The following BTAF1 variants were observed in gnomAD, a reference collection of about 807,000 sequenced individuals.
The protein encoded by BTAF1 is TATA-binding protein-associated factor 172.
BTAF1 carries 38 observed loss-of-function variants against 227.1 expected under a neutral mutation model. The observed-to-expected ratio is 0.17, with a 90% confidence interval of 0.13 to 0.22. The LOEUF is 0.22. Ranked by LOEUF, BTAF1 falls within the 10% of genes least tolerant of loss-of-function variation. The pLI is 1.00. For missense variants in BTAF1, 1,598 were observed against 2,204.0 expected (o/e 0.73, Z 5.51); for synonymous variants, 742 against 751.9 (o/e 0.99, Z 0.21).
At chr10:91,953,171 G>A (rs1256887182) in intron 5 of BTAF1, among the ~76,000 whole-genome samples, 1 of 152,128 alleles carries the variant, frequency 6.6e-6, no homozygotes, top group Admixed American at 6.6e-5. Context: ...TTTTGGTTAG[G>A]CACAGAAGGG....
Position 91,959,773 on chromosome 10 carries a change from A to C in BTAF1, c.991-12A>C. The C allele has an allele frequency of 9.1e-7, 1 of 1,093,532 alleles. No homozygotes were observed. The highest frequency in any genetic ancestry group is 1.3e-6 in the Non-Finnish European group (1 of 777,966). The allele number at this position is 1,093,532 out of a possible 1,614,324, so 67.7% of individuals were successfully genotyped here. A position where few individuals can be genotyped will look rare whatever the true frequency, so the allele number is the denominator to read the frequency against. ...ATATATATATATATATATATATATT[A>C]TATTTTAACAGATGATTCAGCAGCA... On this transcript the variant is annotated splice_polypyrimidine_tract_variant and intron_variant, in intron 9 of 37. Transcript: ENST00000265990.
At chr10:91,940,371 T>C (rs2133812472) in intron 3 of BTAF1, among the ~76,000 whole-genome samples, 1 of 152,242 alleles carries the variant, frequency 6.6e-6, no homozygotes, top group East Asian at 1.9e-4. Context: ...ATCAGTACAG[T>C]GTAAATATTT....
intron 19 of BTAF1, among the ~76,000 whole-genome samples, chr10:91,988,597 G>A (rs939832249): frequency 1.3e-5 from 2 of 152,136 alleles, no homozygotes; most frequent in Non-Finnish European, 2.9e-5. Flanking sequence ...ATTTTGTTCT[G>A]TTCTGTTTTG....
At chr10:92,011,445 AT>A in intron 30 of BTAF1, 30 bp downstream of exon 30, 1 of 1,036,786 alleles carries the variant, frequency 9.6e-7, no homozygotes, top group East Asian at 3.6e-5. Context: ...TTTTTTAATT[AT>A]TTTTATTTTT....
At chr10:91,937,340 G>A (rs181203882) in intron 2 of BTAF1, among the ~76,000 whole-genome samples, 4 of 152,152 alleles carry the variant, frequency 2.6e-5, no homozygotes, top group Non-Finnish European at 1.5e-5. Flanking sequence ...TACATACCAT[G>A]AGTTTCAATT....
intron 14 of BTAF1, among the ~76,000 whole-genome samples, chr10:91,979,392 A>T (rs1335521318): frequency 6.6e-6 from 1 of 152,124 alleles, no homozygotes; most frequent in African/African-American, 2.4e-5. Context: ...TTGAGGAGTC[A>T]TGTGGCCCTT....
At chr10:91,981,205 A>G (rs146225689) in intron 15 of BTAF1, among the ~76,000 whole-genome samples, 66 of 152,308 alleles carry the variant, frequency 4.3e-4, no homozygotes, top group African/African-American at 1.5e-3. Context: ...AAGATCATGA[A>G]TCAAAACTTA....
intron 14 of BTAF1, among the ~76,000 whole-genome samples, chr10:91,967,811 C>T (rs1317821536): frequency 6.6e-6 from 1 of 152,040 alleles, no homozygotes; most frequent in Admixed American, 6.6e-5. Flanking sequence ...TTCTTAAATT[C>T]ATTTTATGTA....
intron 17 of BTAF1, 147 bp from the exon 18 acceptor site, chr10:91,982,440 C>G: frequency 9.3e-7 from 1 of 1,077,416 alleles, no homozygotes; most frequent in Non-Finnish European, 1.3e-6. Flanking sequence ...ACAAGATAGT[C>G]ATTATACCTT....
chr10:91,986,949 A>G (rs1848434662), intron 19 of BTAF1, among the ~76,000 whole-genome samples: 1 of 151,934 alleles, frequency 6.6e-6, no homozygotes, highest in Non-Finnish European at 1.5e-5. Context: ...CCTGCCAAAT[A>G]TAGACATTTC....
At chr10:91,926,605 C>A (rs1180362693) in intron 1 of BTAF1, among the ~76,000 whole-genome samples, 2 of 152,180 alleles carry the variant, frequency 1.3e-5, no homozygotes, top group Non-Finnish European at 2.9e-5. Context: ...CCTTTTGTCA[C>A]TGTAAAGCTA....
chr10:91,957,194 A>G, intron 7 of BTAF1, 31 bp from the exon 8 acceptor site: 1 of 1,569,200 alleles, frequency 6.4e-7, no homozygotes, highest in Non-Finnish European at 8.8e-7. Flanking sequence ...AGACCTTTTG[A>G]ACTAGTAGTA....
intron 4 of BTAF1, among the ~76,000 whole-genome samples, chr10:91,943,509 T>C (rs765081322): frequency 3.9e-5 from 6 of 152,164 alleles, no homozygotes; most frequent in Non-Finnish European, 8.8e-5. Flanking sequence ...AGAATAACAC[T>C]CTGTTGCTAA....
At chr10:92,007,082 G>C (rs1849949777) in intron 25 of BTAF1, among the ~76,000 whole-genome samples, 1 of 150,916 alleles carries the variant, frequency 6.6e-6, no homozygotes, top group South Asian at 2.1e-4. Flanking sequence ...CTCCTCAACA[G>C]ATTGTACTTT....
At chr10:91,942,627 TGTGGTATGCTGTTCATTA>T in intron 4 of BTAF1, 59 bp downstream of exon 4, 1 of 1,545,766 alleles carries the variant, frequency 6.5e-7, no homozygotes, top group Non-Finnish European at 8.9e-7. Context: ...AATTTGTCAC[TGTGGTATGCTGTTCATTA>T]GTCACACGTA....
intron 9 of BTAF1, among the ~76,000 whole-genome samples, chr10:91,959,520 G>T (rs1011037125): frequency 5.3e-5 from 8 of 151,754 alleles, no homozygotes; most frequent in Admixed American, 3.9e-4. Flanking sequence ...TAGTATATCT[G>T]AATTGAATTA....
At chr10:92,003,223 T>C (rs116870701) in intron 25 of BTAF1, among the ~76,000 whole-genome samples, 157 of 152,182 alleles carry the variant, frequency 1.0e-3, no homozygotes, top group Non-Finnish European at 1.6e-3. Context: ...TTAATATACC[T>C]TAGTTCATAC....
intron 28 of BTAF1, among the ~76,000 whole-genome samples, chr10:92,009,927 C>A (rs1168743010): frequency 1.3e-5 from 2 of 151,966 alleles, no homozygotes; most frequent in Non-Finnish European, 2.9e-5. Context: ...CAGATTAGTC[C>A]ATAGATTTGC....
chr10:92,011,002 T>C (rs1850253451), intron 28 of BTAF1, 71 bp from the exon 29 acceptor site: 10 of 1,143,360 alleles, frequency 8.7e-6, no homozygotes. Context: ...TGAAAGCACT[T>C]TATACAAATG....
Sources: allele counts gnomAD v4.1 joint callset (sites outside exome capture counted in the v4.1 genomes callset), GRCh38; gene constraint gnomAD v4.1.1; transcripts MANE v1.5; gene names NCBI Gene and HGNC (gene_info 2026-07-23, HGNC 2026-07-21).